The following FSTL5 variants were observed in gnomAD, a reference collection of about 807,000 sequenced individuals.
FSTL5 encodes follistatin-related protein 5.
Under a neutral mutation model 89.1 loss-of-function variants are expected in FSTL5, and 62 were observed. The observed-to-expected ratio is 0.70, with a 90% CI of 0.57 to 0.86. The LOEUF is 0.86. FSTL5 is among the 40% of genes least tolerant of loss of function. The pLI is 0.00. For missense variants in FSTL5, 1,057 were observed against 1,001.6 expected (o/e 1.06, Z -0.75); for synonymous variants, 383 against 346.2 (o/e 1.11, Z -1.18).
At chr4:161,817,820 T>C (rs1022219995) in intron 4 of FSTL5, among the ~76,000 whole-genome samples, 4 of 152,242 alleles carry the variant, frequency 2.6e-5, no homozygotes, top group Admixed American at 2.6e-4. Flanking sequence ...TGGATATTAA[T>C]TTGTATTGTA....
chr4:161,805,322 A>G (rs184048210), intron 4 of FSTL5, among the ~76,000 whole-genome samples: 114 of 152,262 alleles, frequency 7.5e-4, no homozygotes, highest in Admixed American at 6.7e-3. Context: ...TTCTGATTAG[A>G]TTTATTTGCT....
intron 4 of FSTL5, among the ~76,000 whole-genome samples, chr4:161,862,456 C>T (rs1221758436): frequency 1.3e-5 from 2 of 152,058 alleles, no homozygotes; most frequent in African/African-American, 4.8e-5. Context: ...GAATGAAGGC[C>T]GTGTGCGGTA....
chr4:161,961,206 C>T (rs982399627), intron 3 of FSTL5, among the ~76,000 whole-genome samples: 11 of 151,970 alleles, frequency 7.2e-5, no homozygotes, highest in African/African-American at 2.7e-4. Flanking sequence ...CTATGGGGCT[C>T]AACTGATCCT....
chr4:161,943,585 T>G (rs1734654415), intron 3 of FSTL5, among the ~76,000 whole-genome samples: 1 of 128,884 alleles, frequency 7.8e-6, no homozygotes, highest in African/African-American at 2.9e-5. Context: ...TGAGGTGGAG[T>G]CTTGCTGTCG....
chr4:161,545,622 G>A (rs1465473692), intron 8 of FSTL5, among the ~76,000 whole-genome samples: 1 of 151,936 alleles, frequency 6.6e-6, no homozygotes, highest in East Asian at 1.9e-4. Context: ...AATGGGCTTA[G>A]TATTGTGGTC....
chr4:161,578,426 G>A (rs1213602908), intron 8 of FSTL5, among the ~76,000 whole-genome samples: 4 of 151,990 alleles, frequency 2.6e-5, no homozygotes, highest in African/African-American at 9.7e-5. Flanking sequence ...AGTACAGTAT[G>A]TACAAATGTT....
intron 3 of FSTL5, among the ~76,000 whole-genome samples, chr4:161,955,915 T>G (rs915666087): frequency 4.0e-5 from 6 of 151,802 alleles, no homozygotes; most frequent in African/African-American, 1.2e-4. Context: ...TTTTTGCTTT[T>G]TTGACACTTG....
At chr4:161,965,148 T>C (rs1735288125) in intron 3 of FSTL5, among the ~76,000 whole-genome samples, 1 of 152,164 alleles carries the variant, frequency 6.6e-6, no homozygotes, top group Non-Finnish European at 1.5e-5. Flanking sequence ...AGTTTTATTA[T>C]ACCTTTATAT....
chr4:162,141,015 T>G (rs1212009339), intron 1 of FSTL5, among the ~76,000 whole-genome samples: 4 of 150,988 alleles, frequency 2.6e-5, no homozygotes, highest in Non-Finnish European at 5.9e-5. Context: ...CCATTCAAAT[T>G]GGAAGTCAAT....
intron 3 of FSTL5, among the ~76,000 whole-genome samples, chr4:162,026,297 G>A (rs928665941): frequency 1.1e-4 from 1 of 9,096 alleles, no homozygotes; most frequent in Non-Finnish European, 2.4e-4. Context: ...GACAGCTTAT[G>A]TATTTTCTTT....
rs200079356 is a variant in FSTL5 at position 161,854,758 on chromosome 4, GAT to G, written c.409+65644_409+65645del. On this transcript the variant is annotated intron_variant, in intron 4 of 15. Transcript: ENST00000306100. ...ATAAGGGATGAACTCTATAAACTAT[GAT>G]ACACAAAATTCAGTATGTGCCATAT... Among the ~76,000 whole-genome samples, 1,483 of 151,936 alleles carry G rather than the reference GAT, an allele frequency of 9.8e-3. 14 individuals carry two copies. The highest frequency in any genetic ancestry group is 0.017 in the Non-Finnish European group (1,133 of 67,958).
At chr4:161,704,298 A>G (rs1009011498) in intron 6 of FSTL5, among the ~76,000 whole-genome samples, 1 of 152,040 alleles carries the variant, frequency 6.6e-6, no homozygotes, top group Non-Finnish European at 1.5e-5. Flanking sequence ...TTCATCTTGC[A>G]TATGTTGATT....
intron 2 of FSTL5, among the ~76,000 whole-genome samples, chr4:162,067,631 T>A (rs113561623): frequency 0.092 from 14,003 of 151,974 alleles, 767 homozygotes; most frequent in Non-Finnish European, 0.12. Flanking sequence ...AGCATTCCCC[T>A]TAAAAACCAG....
intron 3 of FSTL5, among the ~76,000 whole-genome samples, chr4:161,951,699 T>A (rs570156770): frequency 6.6e-6 from 1 of 152,228 alleles, no homozygotes; most frequent in South Asian, 2.1e-4. Context: ...ATTGTATAAC[T>A]AAATTTTAAA....
chr4:161,506,403 AT>A (rs1226712378), intron 11 of FSTL5, among the ~76,000 whole-genome samples: 1 of 151,954 alleles, frequency 6.6e-6, no homozygotes, highest in Non-Finnish European at 1.5e-5. Flanking sequence ...TTTCAGTATT[AT>A]TTTGAAGTAG....
At chr4:162,069,337 A>G (rs1022202753) in intron 2 of FSTL5, among the ~76,000 whole-genome samples, 11 of 152,024 alleles carry the variant, frequency 7.2e-5, no homozygotes, top group African/African-American at 2.7e-4. Flanking sequence ...TAATAACCTA[A>G]TCAAGGTAAT....
intron 15 of FSTL5, among the ~76,000 whole-genome samples, chr4:161,439,010 T>C (rs1221169626): frequency 6.6e-6 from 1 of 152,116 alleles, no homozygotes; most frequent in African/African-American, 2.4e-5. Context: ...TCTTAGATGA[T>C]ACTGAAAATA....
intron 15 of FSTL5, among the ~76,000 whole-genome samples, chr4:161,393,249 G>C (rs1730881570): frequency 6.6e-6 from 1 of 151,772 alleles, no homozygotes; most frequent in Non-Finnish European, 1.5e-5. Flanking sequence ...ATGCAAGAGA[G>C]AGATAGTAAC....
At chr4:162,027,394 T>C (rs1380711351) in intron 3 of FSTL5, among the ~76,000 whole-genome samples, 1 of 152,146 alleles carries the variant, frequency 6.6e-6, no homozygotes, top group Non-Finnish European at 1.5e-5. Flanking sequence ...CAATTGCTAA[T>C]TATTCATGGT....
Sources: allele counts gnomAD v4.1 joint callset (sites outside exome capture counted in the v4.1 genomes callset), GRCh38; gene constraint gnomAD v4.1.1; transcripts MANE v1.5; gene names NCBI Gene and HGNC (gene_info 2026-07-23, HGNC 2026-07-21).